THADA: variants seen among roughly 807,000 people sequenced by gnomAD.
The protein encoded by THADA is tRNA (32-2'-O)-methyltransferase regulator THADA.
In THADA, 213 loss-of-function variants were observed where a neutral mutation model predicts 219.8. The observed-to-expected ratio is 0.97, with a 90% CI of 0.87 to 1.09. The LOEUF is 1.09. Among genes scored for constraint, THADA ranks in the 50% least tolerant of loss-of-function variants. The pLI is 0.00. For missense variants in THADA, 2,956 were observed against 2,311.3 expected (o/e 1.28, Z -5.72); for synonymous variants, 1,018 against 828.9 (o/e 1.23, Z -3.92).
At chr2:43,569,139 G>C (rs1187501287) in intron 14 of THADA, among the ~76,000 whole-genome samples, 1 of 151,942 alleles carries the variant, frequency 6.6e-6, no homozygotes, top group African/African-American at 2.4e-5. Context: ...GCCCGTCTCA[G>C]GGTTGCCTTT....
intron 31 of THADA, among the ~76,000 whole-genome samples, chr2:43,309,260 G>C (rs143924858): frequency 6.6e-6 from 1 of 152,202 alleles, no homozygotes; most frequent in African/African-American, 2.4e-5. Context: ...AGGTGGGAAT[G>C]CAAAGTGGTA....
rs1674893209 is a variant in THADA, at chr2:43,292,818, A to C, written c.4818+16T>G. ...TGGGGAGTGTAAAGGGCCAGTCAGTACGTTGGAGACTTTACCTTGCAGAAG... is the reference window on the plus strand; with the variant it reads ...TGGGGAGTGTAAAGGGCCAGTCAGTCCGTTGGAGACTTTACCTTGCAGAAG... On this transcript the variant is annotated intron_variant, in intron 32 of 37. Transcript: ENST00000405975. 5.0e-6 allele frequency: 8 copies of C among 1,606,146 alleles called. No individual in the cohort carries two copies. Among genetic ancestry groups the C allele is most frequent in the African/African-American group, 2.7e-5 (2 of 74,886 alleles).
intron 36 of THADA, among the ~76,000 whole-genome samples, chr2:43,234,359 C>T (rs1469021987): frequency 6.6e-6 from 1 of 152,192 alleles, no homozygotes; most frequent in Non-Finnish European, 1.5e-5. Flanking sequence ...GGTGAAAGTA[C>T]TGATCTCACC....
intron 30 of THADA, among the ~76,000 whole-genome samples, chr2:43,337,481 A>G (rs1666590627): frequency 6.6e-6 from 1 of 152,212 alleles, no homozygotes; most frequent in Admixed American, 6.5e-5. Context: ...GCACAGAGTA[A>G]GCATTCAAAA....
At chr2:43,241,095 T>A (rs1264651273) in intron 36 of THADA, among the ~76,000 whole-genome samples, 4 of 152,078 alleles carry the variant, frequency 2.6e-5, no homozygotes, top group African/African-American at 9.7e-5. Context: ...TCCTTTTTTT[T>A]ATGTTTATTT....
intron 29 of THADA, among the ~76,000 whole-genome samples, chr2:43,371,560 TA>T (rs1374208161): frequency 6.6e-6 from 1 of 152,134 alleles, no homozygotes; most frequent in East Asian, 1.9e-4. Flanking sequence ...AGTGCTCTTA[TA>T]AAAATAAAGA....
In THADA at chr2:43,577,146, A is replaced by T. The variant is rs763142807; in HGVS notation, c.913T>A (p.Ser305Thr). 5 of 1,611,368 alleles carry T rather than the reference A, an allele frequency of 3.1e-6. No homozygotes were observed. In the African/African-American group the frequency reaches 6.7e-5, roughly 22 times the overall value. Residue 305 changes from serine to threonine, a missense_variant, in exon 10 of 38, where the codon TCA becomes ACA. Transcript: ENST00000405975. ...RSLCCGDISQSAVLFLCQGTL... is the reference protein window; with the variant it reads ...RSLCCGDISQTAVLFLCQGTL... The stretch of plus-strand genomic sequence containing the variant: ...CCCTGACAGAGGAATAAGACAGCTG[A>T]CTGAGAGATGTCACCACAACAGAGG...
At chr2:43,450,790 T>C (rs1243376360) in intron 26 of THADA, among the ~76,000 whole-genome samples, 1 of 152,162 alleles carries the variant, frequency 6.6e-6, no homozygotes, top group South Asian at 2.1e-4. Context: ...TGGGAAAATA[T>C]ATTCCATATA....
chr2:43,324,883 T>C (rs1364068787), intron 30 of THADA, among the ~76,000 whole-genome samples: 1 of 151,940 alleles, frequency 6.6e-6, no homozygotes, highest in Admixed American at 6.6e-5. Flanking sequence ...TTTATAGTGC[T>C]CAAAAAAAAT....
At chr2:43,462,780 A>G (rs1044399638) in intron 26 of THADA, among the ~76,000 whole-genome samples, 2 of 152,162 alleles carry the variant, frequency 1.3e-5, no homozygotes, top group Non-Finnish European at 2.9e-5. Flanking sequence ...CTCCAAATCA[A>G]AATCACAAAA....
At chr2:43,365,727 G>C (rs989828033) in intron 29 of THADA, among the ~76,000 whole-genome samples, 6 of 152,028 alleles carry the variant, frequency 3.9e-5, no homozygotes, top group Admixed American at 3.9e-4. Context: ...TAGATTAGAA[G>C]GCAAGTTAAA....
intron 25 of THADA, among the ~76,000 whole-genome samples, chr2:43,491,721 G>C (rs575088148): frequency 1.3e-5 from 2 of 152,286 alleles, no homozygotes; most frequent in East Asian, 1.9e-4. Context: ...GTTTGTGCAT[G>C]TATACAATAT....
At chr2:43,252,388 T>C (rs772254298) in intron 36 of THADA, among the ~76,000 whole-genome samples, 1 of 152,252 alleles carries the variant, frequency 6.6e-6, no homozygotes, top group African/African-American at 2.4e-5. Flanking sequence ...TGGGTACTTA[T>C]GTGCAAGGCA....
intron 9 of THADA, among the ~76,000 whole-genome samples, chr2:43,577,985 G>A (rs571948354): frequency 8.6e-5 from 13 of 151,972 alleles, no homozygotes; most frequent in South Asian, 6.2e-4. Context: ...TGTTTATAGT[G>A]ATTATCTTTG....
At chr2:43,412,888 T>C (rs1361556157) in intron 28 of THADA, among the ~76,000 whole-genome samples, 2 of 152,210 alleles carry the variant, frequency 1.3e-5, no homozygotes, top group Non-Finnish European at 2.9e-5. Context: ...CTACATCTTC[T>C]AGCCTTTTCT....
intron 25 of THADA, chr2:43,486,379 A>G (rs1686921234): frequency 6.6e-6 from 1 of 152,148 alleles, no homozygotes; most frequent in African/African-American, 2.4e-5. Flanking sequence ...CTGTTTTGGC[A>G]CTATAGGCTT....
chr2:43,272,454 G>A (rs376329978), intron 36 of THADA, among the ~76,000 whole-genome samples: 7 of 152,216 alleles, frequency 4.6e-5, no homozygotes, highest in East Asian at 3.9e-4. Context: ...CAAGCCTGGC[G>A]GACAGGCACT....
At chr2:43,396,776 A>G (rs2104710312) in intron 29 of THADA, among the ~76,000 whole-genome samples, 1 of 152,038 alleles carries the variant, frequency 6.6e-6, no homozygotes, top group Middle Eastern at 3.4e-3. Flanking sequence ...GCACCACTGC[A>G]CTCCTGCCTG....
At chr2:43,500,188 T>C (rs1045957562) in intron 24 of THADA, among the ~76,000 whole-genome samples, 3 of 152,158 alleles carry the variant, frequency 2.0e-5, no homozygotes, top group Non-Finnish European at 2.9e-5. Flanking sequence ...GTCTCATTTA[T>C]GTAAAACTCA....
Sources: gnomAD v4.1 joint callset for allele counts (sites outside exome capture counted in the v4.1 genomes callset) on GRCh38, gnomAD v4.1.1 for gene constraint, MANE v1.5 for transcripts, NCBI Gene and HGNC (gene_info 2026-07-23, HGNC 2026-07-21) for gene names.